The following CBLN2 variants were observed in gnomAD, a reference collection of about 807,000 sequenced individuals.
CBLN2 encodes the protein cerebellin 2 precursor, also known as cerebellin-2.
In CBLN2, 7 loss-of-function variants were observed where a neutral mutation model predicts 15.0. That is an observed-to-expected ratio of 0.47 (90% CI 0.27 to 0.88). The LOEUF (loss-of-function observed/expected upper bound fraction) is 0.88. Among genes scored for constraint, CBLN2 ranks in the 40% least tolerant of loss-of-function variants. The pLI is 0.14. For missense variants in CBLN2, 242 were observed against 304.5 expected (o/e 0.79, Z 1.53); for synonymous variants, 149 against 135.2 (o/e 1.10, Z -0.71).
intron 1 of CBLN2, among the ~76,000 whole-genome samples, chr18:72,561,359 T>C (rs2069260283): frequency 6.6e-6 from 1 of 152,170 alleles, no homozygotes; most frequent in South Asian, 2.1e-4. Context: ...GAATACTCAA[T>C]GTATGAAACA....
In CBLN2 at chr18:72,538,153, C is replaced by G; in HGVS notation, c.*23G>C. 1 of 1,613,640 alleles carries G rather than the reference C, an allele frequency of 6.2e-7. No individual in the cohort carries two copies. The highest frequency in any genetic ancestry group is 8.5e-7 in the Non-Finnish European group (1 of 1,179,622). ...GTCCTGGGTCCAGTTTGCCATTCCC[C>G]CACCATCTAGGGGGCTCTGTGTTTA... On this transcript the variant is annotated 3_prime_UTR_variant, in exon 5 of 5. Transcript: ENST00000269503.
intron 1 of CBLN2, among the ~76,000 whole-genome samples, chr18:72,636,899 T>C (rs2069816516): frequency 6.6e-6 from 1 of 152,148 alleles, no homozygotes. Flanking sequence ...AAAATTGGCC[T>C]TGGATTTTCA....
chr18:72,555,632 A>T (rs1019372281), intron 1 of CBLN2, among the ~76,000 whole-genome samples: 4 of 152,174 alleles, frequency 2.6e-5, no homozygotes, highest in Non-Finnish European at 4.4e-5. Context: ...AAGCATTTTT[A>T]AAATGTACTT....
At chr18:72,546,372 G>A (rs1039263345), upstream of CBLN2, among the ~76,000 whole-genome samples, 2 of 151,892 alleles carry the variant, frequency 1.3e-5, no homozygotes, top group Non-Finnish European at 2.9e-5. Flanking sequence ...GGGAGGCGGA[G>A]CTTGCAGTGA....
chr18:72,545,147 C>T (rs2054580009), upstream of CBLN2, among the ~76,000 whole-genome samples: 1 of 152,106 alleles, frequency 6.6e-6, no homozygotes, highest in African/African-American at 2.4e-5. Flanking sequence ...GTTTTGAAGG[C>T]CTTATTTTCC....
At chr18:72,563,787 G>A (rs542642134) in intron 1 of CBLN2, among the ~76,000 whole-genome samples, 8 of 152,258 alleles carry the variant, frequency 5.3e-5, no homozygotes, top group East Asian at 3.9e-4. Flanking sequence ...AGGGAGCAGT[G>A]TCCAAGCCAG....
At chr18:72,606,046 T>G (rs2144948234) in intron 1 of CBLN2, among the ~76,000 whole-genome samples, 1 of 152,366 alleles carries the variant, frequency 6.6e-6, no homozygotes, top group South Asian at 2.1e-4. Context: ...AGCCAGTCCC[T>G]TTGGGAGCGA....
chr18:72,554,594 TG>T (rs149981409), intron 1 of CBLN2, among the ~76,000 whole-genome samples: 18,415 of 151,422 alleles, frequency 0.12, 2,818 homozygotes, highest in African/African-American at 0.36. Flanking sequence ...ATCTTTAAAG[TG>T]GTTCATATTA....
intron 1 of CBLN2, among the ~76,000 whole-genome samples, chr18:72,634,226 G>C (rs1336472904): frequency 6.6e-6 from 1 of 151,910 alleles, no homozygotes; most frequent in Non-Finnish European, 1.5e-5. Flanking sequence ...ATATACAAGG[G>C]TTTTTAAGAA....
chr18:72,615,094 A>T (rs1383071999), intron 1 of CBLN2, among the ~76,000 whole-genome samples: 1 of 135,240 alleles, frequency 7.4e-6, no homozygotes, highest in African/African-American at 2.8e-5. Context: ...AATATATATA[A>T]ATATATTTAT....
At chr18:72,561,067 G>T (rs535372835) in intron 1 of CBLN2, among the ~76,000 whole-genome samples, 1 of 151,958 alleles carries the variant, frequency 6.6e-6, no homozygotes, top group Admixed American at 6.6e-5. Context: ...GAATAATGTT[G>T]TGATAGGTGT....
At position 72,538,025 on chromosome 18, in the gene CBLN2, A is replaced by T; in HGVS notation, c.*151T>A. 1 of 749,460 alleles carries T rather than the reference A, an allele frequency of 1.3e-6. No individual in the cohort carries two copies. The highest frequency in any genetic ancestry group is 2.2e-6 in the Non-Finnish European group (1 of 457,916). 46.4% of individuals were successfully genotyped at this position (749,460 alleles called of 1,614,324 possible). ...TATTCCAAAAAACAAAAACAAAAGT[A>T]CTGGAGGTTTCAAAGGAAATCATTC... On this transcript the variant is annotated 3_prime_UTR_variant, in exon 5 of 5. Transcript: ENST00000269503.
Position 72,556,655 on chromosome 18 carries a change from G to A in CBLN2, c.16-17883C>T, listed in dbSNP as rs116895763. ...CGGGAGAGTTATGGAGCAATGAAAA[G>A]ACTTTACTAGTGAGACTACTGGTTC... On this transcript the variant is annotated intron_variant, in intron 1 of 2. Transcript: ENST00000581073. Among the ~76,000 whole-genome samples the A allele has an allele frequency of 6.1e-4, 93 of 152,256 alleles. 2 individuals are homozygous for A. In the East Asian group the frequency reaches 0.018, roughly 29 times the overall value.
chr18:72,633,011 G>C (rs1447193848), intron 1 of CBLN2, among the ~76,000 whole-genome samples: 2 of 152,232 alleles, frequency 1.3e-5, no homozygotes, highest in East Asian at 1.9e-4. Flanking sequence ...TGTAACTATA[G>C]CTCAATTTCC....
At chr18:72,606,830 A>G (rs1361219576) in intron 1 of CBLN2, among the ~76,000 whole-genome samples, 2 of 152,228 alleles carry the variant, frequency 1.3e-5, no homozygotes, top group Non-Finnish European at 2.9e-5. Context: ...AAAAGCCATC[A>G]CACAGAGGGT....
chr18:72,569,547 C>T lies in CBLN2; in HGVS notation c.16-30775G>A, dbSNP rs542449751. ...TGAAGGAAAGAGGTTTAATTTGGCT[C>T]AAGTTTCGGCAGGCTGTACAGGCAA... On this transcript the variant is annotated intron_variant, in intron 1 of 2. Coordinates refer to the CBLN2 transcript ENST00000581073. Among the ~76,000 whole-genome samples the T allele has an allele frequency of 2.0e-5, 3 of 152,262 alleles. No homozygotes were observed. In the South Asian group the frequency reaches 6.2e-4, roughly 32 times the overall value.
chr18:72,541,709 ACT>A (rs1342220856), intron 3 of CBLN2, 93 bp downstream of exon 3: 1 of 935,200 alleles, frequency 1.1e-6, no homozygotes, highest in Non-Finnish European at 1.5e-6. Flanking sequence ...GAGCCTGGGA[ACT>A]CCACGTCCAA....
At chr18:72,602,631 G>A (rs2069556582) in intron 1 of CBLN2, among the ~76,000 whole-genome samples, 1 of 152,112 alleles carries the variant, frequency 6.6e-6, no homozygotes, top group Admixed American at 6.5e-5. Flanking sequence ...TGAAGCCCAC[G>A]TTCAGTTTAT....
At chr18:72,594,620 T>G (rs1464998255) in intron 1 of CBLN2, among the ~76,000 whole-genome samples, 7 of 152,156 alleles carry the variant, frequency 4.6e-5, no homozygotes, top group Admixed American at 4.6e-4. Context: ...ACTAGTTCTT[T>G]AGATGTTTGG....
Sources: gnomAD v4.1 joint callset for allele counts (sites outside exome capture counted in the v4.1 genomes callset) on GRCh38, gnomAD v4.1.1 for gene constraint, MANE v1.5 for transcripts, NCBI Gene and HGNC (gene_info 2026-07-23, HGNC 2026-07-21) for gene names.